The following ADAMTS12 variants were observed in gnomAD, a reference collection of about 807,000 sequenced individuals.
The protein encoded by ADAMTS12 is ADAM metallopeptidase with thrombospondin type 1 motif 12, also known as A disintegrin and metalloproteinase with thrombospondin motifs 12.
ADAMTS12 carries 118 observed loss-of-function variants against 167.8 expected under a neutral mutation model. That is an observed-to-expected ratio of 0.70 (90% CI 0.61 to 0.82). ADAMTS12 has a LOEUF of 0.82. Ranked by LOEUF, ADAMTS12 falls within the 40% of genes least tolerant of loss-of-function variation. ADAMTS12 has a pLI of 0.00. For missense variants in ADAMTS12, 1,916 were observed against 1,998.8 expected (o/e 0.96, Z 0.79); for synonymous variants, 704 against 716.9 (o/e 0.98, Z 0.29).
At chr5:33,671,211 C>T (rs982547193) in intron 5 of ADAMTS12, among the ~76,000 whole-genome samples, 2 of 152,170 alleles carry the variant, frequency 1.3e-5, no homozygotes, top group Non-Finnish European at 2.9e-5. Flanking sequence ...ACAAGGGATG[C>T]TTGTGAGGGA....
chr5:33,820,028 T>C (rs958381302), intron 2 of ADAMTS12, among the ~76,000 whole-genome samples: 2 of 152,208 alleles, frequency 1.3e-5, no homozygotes, highest in Non-Finnish European at 2.9e-5. Flanking sequence ...TTGGGCATGG[T>C]GAGTGGCTGA....
intron 19 of ADAMTS12, among the ~76,000 whole-genome samples, chr5:33,565,110 C>T (rs138181436): frequency 8.7e-4 from 133 of 152,140 alleles, no homozygotes; most frequent in African/African-American, 3.2e-3. Flanking sequence ...ACTCAAAACT[C>T]AGAGTTTTCA....
At chr5:33,805,960 T>G (rs981231362) in intron 2 of ADAMTS12, among the ~76,000 whole-genome samples, 9 of 152,058 alleles carry the variant, frequency 5.9e-5, no homozygotes, top group Non-Finnish European at 1.0e-4. Flanking sequence ...GAACATAAAT[T>G]GCAGAACACT....
intron 12 of ADAMTS12, among the ~76,000 whole-genome samples, chr5:33,635,949 G>A (rs1001169333): frequency 2.0e-5 from 3 of 152,186 alleles, no homozygotes; most frequent in Admixed American, 2.0e-4. Context: ...AGTAAGGTCA[G>A]CAGGTGGCAA....
intron 20 of ADAMTS12, among the ~76,000 whole-genome samples, chr5:33,560,652 T>C (rs1458999954): frequency 6.6e-6 from 1 of 151,338 alleles, no homozygotes. Flanking sequence ...ACCATTATTA[T>C]CAGCAAACTA....
At chr5:33,886,840 G>A (rs1216742133) in intron 1 of ADAMTS12, among the ~76,000 whole-genome samples, 6 of 152,058 alleles carry the variant, frequency 3.9e-5, no homozygotes, top group Admixed American at 3.9e-4. Context: ...TATACAATGG[G>A]CATAATAATA....
chr5:33,646,389 G>A (rs1197679549), intron 9 of ADAMTS12, among the ~76,000 whole-genome samples: 1 of 152,026 alleles, frequency 6.6e-6, no homozygotes, highest in Non-Finnish European at 1.5e-5. Flanking sequence ...CAATGTGTAG[G>A]GCCTATGTAA....
intron 5 of ADAMTS12, among the ~76,000 whole-genome samples, chr5:33,673,656 A>G (rs1243716434): frequency 8.0e-6 from 1 of 125,046 alleles, no homozygotes; most frequent in Non-Finnish European, 1.7e-5. Flanking sequence ...CAGGTGGATC[A>G]AAACAAAAGT....
chr5:33,704,102 T>A (rs892122222), intron 3 of ADAMTS12, among the ~76,000 whole-genome samples: 3 of 152,262 alleles, frequency 2.0e-5, no homozygotes, highest in Admixed American at 1.3e-4. Flanking sequence ...ACACTCATTC[T>A]ATTCTACAGA....
chr5:33,739,584 C>T (rs1419233761), intron 3 of ADAMTS12, among the ~76,000 whole-genome samples: 2 of 152,226 alleles, frequency 1.3e-5, no homozygotes, highest in Non-Finnish European at 2.9e-5. Flanking sequence ...TCTCACCTCT[C>T]TCCCCGACAG....
intron 20 of ADAMTS12, among the ~76,000 whole-genome samples, chr5:33,558,521 A>G (rs1331760944): frequency 2.0e-5 from 3 of 151,998 alleles, no homozygotes; most frequent in African/African-American, 4.8e-5. Context: ...AGAGAGAGAG[A>G]GGGGCATGAG....
chr5:33,601,302 G>A (rs1738177008), intron 16 of ADAMTS12, among the ~76,000 whole-genome samples: 1 of 152,014 alleles, frequency 6.6e-6, no homozygotes, highest in Non-Finnish European at 1.5e-5. Flanking sequence ...TATAGTATAG[G>A]GTTGTTGTGA....
In ADAMTS12 at chr5:33,683,020, C is replaced by T. The variant is rs530621971; in HGVS notation, c.913G>A (p.Glu305Lys). Residue 305 changes from glutamate (E) to lysine (K), a missense_variant and splice_region_variant, in exon 5 of 24, where the codon GAG (glutamate) becomes AAG (lysine). By Grantham distance (56) the Glu-to-Lys change is moderately conservative. Coordinates refer to ENST00000504830, the MANE Select transcript of ADAMTS12 (RefSeq NM_030955.4). ...AGAGTGAAGGGAAAAAATGTTACCTCTTCTTCTTCGAGTAGAATGAGCCGA... is the reference window on the plus strand; with the variant it reads ...AGAGTGAAGGGAAAAAATGTTACCTTTTCTTCTTCGAGTAGAATGAGCCGA... The part of the protein sequence containing the change: ...VVRLILLEEE[E>K]QGLKIVHHAE... 33 of 1,611,746 alleles carry T rather than the reference C, an allele frequency of 2.0e-5. No individual in the cohort carries two copies. Among genetic ancestry groups the T allele is most frequent in the Non-Finnish European group, 2.6e-5 (31 of 1,178,886 alleles).
In ADAMTS12 at chr5:33,637,760, A is replaced by G; in HGVS notation, c.1719-14T>C. The stretch of plus-strand genomic sequence containing the variant: ...CCAAACTTTGGCCTGCAAATGAAAC[A>G]GACAAGCTTTTCTTTTAGTTTGCTT... On this transcript the variant is annotated splice_polypyrimidine_tract_variant and intron_variant, in intron 11 of 23. Coordinates refer to ENST00000504830, the MANE Select transcript of ADAMTS12 (RefSeq NM_030955.4). 1 of 1,610,824 alleles carries G rather than the reference A, an allele frequency of 6.2e-7. No homozygotes were observed.
At chr5:33,618,591 T>C (rs1179539240) in intron 14 of ADAMTS12, among the ~76,000 whole-genome samples, 1 of 152,194 alleles carries the variant, frequency 6.6e-6, no homozygotes, top group East Asian at 1.9e-4. Flanking sequence ...TTCTCCATCT[T>C]CTTTCTGGGA....
chr5:33,814,355 C>T (rs1048421334), intron 2 of ADAMTS12, among the ~76,000 whole-genome samples: 1 of 152,110 alleles, frequency 6.6e-6, no homozygotes. Context: ...CCATCCTTTT[C>T]CTGCATTGTA....
chr5:33,772,541 A>G (rs1204787206), intron 2 of ADAMTS12, among the ~76,000 whole-genome samples: 1 of 152,216 alleles, frequency 6.6e-6, no homozygotes. Context: ...ATAATTCCAG[A>G]ATTAAGAAAA....
Position 33,849,009 on chromosome 5 carries a change from T to C in ADAMTS12, c.489+32110A>G, listed in dbSNP as rs1050844165. ...TATATATATGTATTGCATAGCAATATATATATATGTATTGCATAGCAATAT... is the reference window on the plus strand; with the variant it reads ...TATATATATGTATTGCATAGCAATACATATATATGTATTGCATAGCAATAT... On this transcript the variant is annotated intron_variant, in intron 2 of 23. Transcript: ENST00000504830. Among the ~76,000 whole-genome samples, 14 of 149,924 alleles carry C rather than the reference T, an allele frequency of 9.3e-5. No homozygotes were observed. In the South Asian group the frequency reaches 1.5e-3, roughly 16 times the overall value.
At chr5:33,715,709 G>T (rs1207742988) in intron 3 of ADAMTS12, among the ~76,000 whole-genome samples, 4 of 152,060 alleles carry the variant, frequency 2.6e-5, no homozygotes, top group African/African-American at 9.7e-5. Flanking sequence ...ATCCCACAAA[G>T]AACGCAAAAC....
Sources: allele counts gnomAD v4.1 joint callset (sites outside exome capture counted in the v4.1 genomes callset), GRCh38; gene constraint gnomAD v4.1.1; transcripts MANE v1.5; gene names NCBI Gene and HGNC (gene_info 2026-07-23, HGNC 2026-07-21).